Variants in KIAA1217 observed in about 807,000 individuals in gnomAD.
The protein encoded by KIAA1217 is KIAA1217.
KIAA1217 carries 88 observed loss-of-function variants against 163.9 expected under a neutral mutation model. That is an observed-to-expected ratio of 0.54 (90% confidence interval 0.45 to 0.64). The LOEUF (loss-of-function observed/expected upper bound fraction) is 0.64, where lower values mean the gene tolerates loss of function less well. Among genes scored for constraint, KIAA1217 ranks in the 30% least tolerant of loss-of-function variants. The probability of loss-of-function intolerance (pLI) is 0.00; values close to 1 mark genes in which losing one functional copy is unlikely to be tolerated. For missense variants in KIAA1217, 2,372 were observed against 2,475.0 expected, an observed-to-expected ratio of 0.96 and a Z score of 0.88; for synonymous variants, 903 against 923.1, an observed-to-expected ratio of 0.98 and a Z score of 0.39.
At chr10:24,440,702 C>T (rs2060427483) in intron 5 of KIAA1217, among the ~76,000 whole-genome samples, 2 of 152,168 alleles carry the variant, frequency 1.3e-5, no homozygotes, top group Admixed American at 6.5e-5. Flanking sequence ...TACTTTAAGC[C>T]CTCATTTTGT....
intron 2 of KIAA1217, among the ~76,000 whole-genome samples, chr10:24,094,981 T>G (rs1166282708): frequency 6.6e-6 from 1 of 152,164 alleles, no homozygotes; most frequent in Non-Finnish European, 1.5e-5. Context: ...TGCAGTTTGA[T>G]CTCAGACTGC....
chr10:23,963,042 A>T (rs1336053387), intron 1 of KIAA1217, among the ~76,000 whole-genome samples: 1 of 152,234 alleles, frequency 6.6e-6, no homozygotes, highest in Non-Finnish European at 1.5e-5. Context: ...AGGTTGAACC[A>T]TAGTGAAACA....
At chr10:23,847,063 C>G (rs959210513) in intron 1 of KIAA1217, among the ~76,000 whole-genome samples, 1 of 152,226 alleles carries the variant, frequency 6.6e-6, no homozygotes, top group East Asian at 1.9e-4. Flanking sequence ...GTTGAACCAC[C>G]CTTGCCTCCC....
chr10:24,056,921 T>C (rs544748112), intron 2 of KIAA1217, among the ~76,000 whole-genome samples: 4 of 152,190 alleles, frequency 2.6e-5, no homozygotes, highest in Non-Finnish European at 5.9e-5. Flanking sequence ...TTGTATTTAA[T>C]TACATAATTA....
At chr10:24,267,267 A>C (rs1047852160) in intron 2 of KIAA1217, among the ~76,000 whole-genome samples, 1 of 152,230 alleles carries the variant, frequency 6.6e-6, no homozygotes, top group Non-Finnish European at 1.5e-5. Flanking sequence ...GAAGACTTAT[A>C]AAGACCACTT....
chr10:24,483,383 T>C lies in KIAA1217; in HGVS notation c.1679+9323T>C, dbSNP rs12255998. On this transcript the variant is annotated intron_variant, in intron 6 of 20. Transcript: ENST00000376454. ...CCTGCCCACCTTCCGCCTGTTCTCATTGGGGAGGCCAGAGTGACCCCGTTA... is the reference window on the plus strand; with the variant it reads ...CCTGCCCACCTTCCGCCTGTTCTCACTGGGGAGGCCAGAGTGACCCCGTTA... 7.5e-3 allele frequency among the ~76,000 whole-genome samples: 1,144 copies of C among 152,270 alleles called. 18 individuals carry two copies. Among genetic ancestry groups the C allele is most frequent in the African/African-American group, 0.026 (1,099 of 41,546 alleles).
At chr10:23,924,177 T>C (rs559726420) in intron 1 of KIAA1217, among the ~76,000 whole-genome samples, 5 of 152,162 alleles carry the variant, frequency 3.3e-5, no homozygotes, top group Non-Finnish European at 7.4e-5. Flanking sequence ...TTTTTTTTTT[T>C]TTTACTTTAA....
At chr10:24,515,395 G>A (rs1244711930) in intron 10 of KIAA1217, among the ~76,000 whole-genome samples, 1 of 152,116 alleles carries the variant, frequency 6.6e-6, no homozygotes, top group East Asian at 1.9e-4. Context: ...TAAAAATTGT[G>A]TTTATTGGTT....
chr10:24,203,103 T>C (rs1340314784), intron 2 of KIAA1217, among the ~76,000 whole-genome samples: 1 of 151,104 alleles, frequency 6.6e-6, no homozygotes, highest in Non-Finnish European at 1.5e-5. Context: ...GGGTAGAGGA[T>C]TGATTGAGCC....
At chr10:24,304,672 GTTC>G (rs1442646606) in intron 2 of KIAA1217, among the ~76,000 whole-genome samples, 1 of 152,082 alleles carries the variant, frequency 6.6e-6, no homozygotes. Context: ...CCTTCAGACA[GTTC>G]TTCTTGGAGG....
At chr10:24,245,129 G>A (rs1044589052) in intron 2 of KIAA1217, among the ~76,000 whole-genome samples, 5 of 152,098 alleles carry the variant, frequency 3.3e-5, no homozygotes, top group African/African-American at 1.2e-4. Context: ...CTATATGGCG[G>A]TCTAACTTCG....
rs1564835987 is a variant in KIAA1217 at position 24,211,541 on chromosome 10, TATTG to T, written c.70+2279_70+2282del. 9.8e-3 allele frequency among the ~76,000 whole-genome samples: 952 copies of T among 97,254 alleles called. 23 individuals are homozygous for T. Among genetic ancestry groups the T allele is most frequent in the African/African-American group, 0.023 (575 of 25,056 alleles). The allele number at this position is 97,254 out of a possible 152,430, so 63.8% of individuals were successfully genotyped here. A position where few individuals can be genotyped will look rare whatever the true frequency, so the allele number is the denominator to read the frequency against. On this transcript the variant is annotated intron_variant, in intron 1 of 20. Coordinates refer to ENST00000376454, the MANE Select transcript of KIAA1217 (RefSeq NM_019590.5). ...CATGCCACCATGCATGGTTGTATTG[TATTG>T]TATTGTATTGTATTGTATTGTATTG...
intron 2 of KIAA1217, among the ~76,000 whole-genome samples, chr10:24,253,902 G>T (rs879080314): frequency 6.6e-6 from 1 of 151,910 alleles, no homozygotes; most frequent in African/African-American, 2.4e-5. Flanking sequence ...GTGACAGAGT[G>T]AGACTCTGTC....
At chr10:24,038,300 G>A (rs1450222493) in intron 2 of KIAA1217, among the ~76,000 whole-genome samples, 8 of 152,182 alleles carry the variant, frequency 5.3e-5, no homozygotes, top group East Asian at 1.9e-4. Flanking sequence ...TCTTCAATGC[G>A]CTTTAAAATA....
At chr10:23,865,374 A>T (rs1840136148) in intron 1 of KIAA1217, among the ~76,000 whole-genome samples, 1 of 152,162 alleles carries the variant, frequency 6.6e-6, no homozygotes, top group South Asian at 2.1e-4. Flanking sequence ...TTTAGCCTCT[A>T]TTCTGTGAAT....
chr10:23,789,995 A>T lies in KIAA1217; in HGVS notation c.-321+94761A>T, dbSNP rs533923533. On this transcript the variant is annotated intron_variant, in intron 1 of 18. Transcript: ENST00000376462. ...TATACATATATACACATATACATAT[A>T]CACATATGCACATACACATATACAC... Among the ~76,000 whole-genome samples, 3 of 129,424 alleles carry T rather than the reference A, an allele frequency of 2.3e-5. 1 individual carries two copies. Among genetic ancestry groups the T allele is most frequent in the Non-Finnish European group, 4.8e-5 (3 of 62,504 alleles). The allele number at this position is 129,424 out of a possible 152,430, so 84.9% of individuals were successfully genotyped here.
intron 1 of KIAA1217, among the ~76,000 whole-genome samples, chr10:23,927,542 T>C (rs12267122): frequency 0.13 from 19,878 of 152,140 alleles, 3,040 homozygotes; most frequent in African/African-American, 0.37. Context: ...GATGACATGC[T>C]GTGAGATGCT....
intron 9 of KIAA1217, among the ~76,000 whole-genome samples, 181 bp downstream of exon 9, chr10:24,501,726 C>CTTTTTTT (rs1554909743): frequency 9.0e-6 from 1 of 111,528 alleles, no homozygotes. Context: ...TCTATAACCA[C>CTTTTTTT]TTCTTTTTTT....
chr10:24,434,685 CT>C (rs1160460480), intron 4 of KIAA1217, among the ~76,000 whole-genome samples: 1 of 152,208 alleles, frequency 6.6e-6, no homozygotes, highest in Non-Finnish European at 1.5e-5. Context: ...GTAGAAAGAA[CT>C]CATTTGATCT....
Sources: gnomAD v4.1 joint callset for allele counts (sites outside exome capture counted in the v4.1 genomes callset) on GRCh38, gnomAD v4.1.1 for gene constraint, MANE v1.5 for transcripts, NCBI Gene and HGNC (gene_info 2026-07-23, HGNC 2026-07-21) for gene names.